The following PDE4D variants were observed in gnomAD, a reference collection of about 807,000 sequenced individuals.
PDE4D encodes the protein 3',5'-cyclic-AMP phosphodiesterase 4D.
In PDE4D, 24 loss-of-function variants were observed where a neutral mutation model predicts 87.4. That is an observed-to-expected ratio of 0.27 (90% CI 0.20 to 0.39). The LOEUF (loss-of-function observed/expected upper bound fraction) is 0.39, where lower values mean the gene tolerates loss of function less well. Ranked by LOEUF, PDE4D falls within the 10% of genes least tolerant of loss-of-function variation. The pLI is 1.00. For synonymous variants in PDE4D, 384 were observed against 383.2 expected (o/e 1.00, Z -0.02); for missense variants, 714 against 1,041.0 (o/e 0.69, Z 4.32).
intron 4 of PDE4D, among the ~76,000 whole-genome samples, chr5:59,184,097 C>T (rs753589680): frequency 5.3e-5 from 8 of 152,066 alleles, no homozygotes; most frequent in Non-Finnish European, 1.2e-4. Flanking sequence ...TTTATTTAAG[C>T]TGCAACCAAA....
intron 2 of PDE4D, among the ~76,000 whole-genome samples, chr5:60,162,179 CATT>C (rs1782521716): frequency 6.6e-6 from 1 of 152,078 alleles, no homozygotes; most frequent in South Asian, 2.1e-4. Flanking sequence ...AAATTAAGTA[CATT>C]ATTGTAAAAG....
chr5:59,824,911 C>T (rs935885762), intron 1 of PDE4D, among the ~76,000 whole-genome samples: 2 of 152,144 alleles, frequency 1.3e-5, no homozygotes, highest in African/African-American at 4.8e-5. Context: ...CAGCATTATA[C>T]CTGTTTTCTT....
At chr5:60,147,633 C>A in intron 2 of PDE4D, 2 of 304,178 alleles carry the variant, frequency 6.6e-6, no homozygotes, top group South Asian at 2.6e-5. Context: ...TTCTAAGGAT[C>A]AAGAATTCAG....
intron 1 of PDE4D, among the ~76,000 whole-genome samples, chr5:59,863,733 T>C (rs1746614628): frequency 6.6e-6 from 1 of 152,220 alleles, no homozygotes; most frequent in African/African-American, 2.4e-5. Flanking sequence ...AAACATGAGA[T>C]GTCTTTTAGT....
chr5:59,581,221 A>AT (rs1475203841), intron 1 of PDE4D, among the ~76,000 whole-genome samples: 4 of 152,234 alleles, frequency 2.6e-5, no homozygotes, highest in East Asian at 1.9e-4. Flanking sequence ...AGGATGAGGG[A>AT]TTTTTTTAAA....
At chr5:59,945,788 T>C (rs1307550397) in intron 3 of PDE4D, among the ~76,000 whole-genome samples, 1 of 152,144 alleles carries the variant, frequency 6.6e-6, no homozygotes, top group Non-Finnish European at 1.5e-5. Flanking sequence ...GATAAATAAT[T>C]TTGAGTCTCT....
chr5:60,107,583 G>C (rs1777141314), intron 2 of PDE4D, among the ~76,000 whole-genome samples: 1 of 152,158 alleles, frequency 6.6e-6, no homozygotes, highest in Admixed American at 6.5e-5. Context: ...CAATATCCTT[G>C]ATGAACATTG....
At chr5:59,805,551 T>C (rs1020957662) in intron 1 of PDE4D, among the ~76,000 whole-genome samples, 9 of 152,214 alleles carry the variant, frequency 5.9e-5, no homozygotes, top group African/African-American at 2.2e-4. Flanking sequence ...AAGAATAGGA[T>C]GAATGCTATG....
intron 1 of PDE4D, among the ~76,000 whole-genome samples, chr5:59,435,778 C>T (rs1201514366): frequency 6.6e-6 from 1 of 152,128 alleles, no homozygotes; most frequent in African/African-American, 2.4e-5. Context: ...TCCTGAACTC[C>T]CTTCTCAGTT....
chr5:59,780,061 A>G (rs1267754399), intron 1 of PDE4D, among the ~76,000 whole-genome samples: 1 of 152,156 alleles, frequency 6.6e-6, no homozygotes, highest in Non-Finnish European at 1.5e-5. Context: ...TAGGCAGAAG[A>G]AATTAAGAAG....
chr5:59,939,645 C>T lies in PDE4D; in HGVS notation c.272+48843G>A, dbSNP rs141383916. ...AAACGAAGGGCAAATTAGGTAAAGT[C>T]TGGCAGGGGTGAGGAGAAGAGTATT... On this transcript the variant is annotated intron_variant, in intron 3 of 16. Transcript: ENST00000502484. Among the ~76,000 whole-genome samples the T allele has an allele frequency of 3.8e-3, 573 of 152,142 alleles. 4 individuals are homozygous for T. Among genetic ancestry groups the T allele is most frequent in the Admixed American group, 8.3e-3 (127 of 15,266 alleles).
intron 1 of PDE4D, among the ~76,000 whole-genome samples, chr5:59,783,276 C>A (rs1764806666): frequency 6.6e-6 from 1 of 152,226 alleles, no homozygotes; most frequent in Non-Finnish European, 1.5e-5. Context: ...AAATAAGAAT[C>A]TCTCAGGGTG....
chr5:59,099,698 G>A (rs1370192735), intron 5 of PDE4D, among the ~76,000 whole-genome samples: 1 of 152,126 alleles, frequency 6.6e-6, no homozygotes, highest in East Asian at 1.9e-4. Flanking sequence ...CATGATTATG[G>A]TATCTCCTGA....
At chr5:59,803,990 A>G (rs1767450760) in intron 1 of PDE4D, among the ~76,000 whole-genome samples, 1 of 152,224 alleles carries the variant, frequency 6.6e-6, no homozygotes, top group Admixed American at 6.5e-5. Flanking sequence ...TTCTGGAATG[A>G]CCATGTCCCA....
chr5:59,644,816 T>C (rs1359983695), intron 1 of PDE4D, among the ~76,000 whole-genome samples: 2 of 152,224 alleles, frequency 1.3e-5, no homozygotes, highest in Non-Finnish European at 2.9e-5. Context: ...TTCTGTTCAG[T>C]GAATTGGGCT....
At chr5:59,255,032 C>G (rs1034858511) in intron 1 of PDE4D, among the ~76,000 whole-genome samples, 1 of 152,070 alleles carries the variant, frequency 6.6e-6, no homozygotes, top group African/African-American at 2.4e-5. Flanking sequence ...TTAGAGCTAC[C>G]ATTTGTCCCA....
At chr5:59,259,773 A>G (rs1761648571) in intron 1 of PDE4D, among the ~76,000 whole-genome samples, 1 of 151,884 alleles carries the variant, frequency 6.6e-6, no homozygotes, top group Non-Finnish European at 1.5e-5. Context: ...ACGGTTACAC[A>G]GAGTCCCTCC....
intron 1 of PDE4D, among the ~76,000 whole-genome samples, chr5:59,597,563 T>C (rs2153705304): frequency 6.6e-6 from 1 of 152,142 alleles, no homozygotes; most frequent in Middle Eastern, 3.4e-3. Context: ...AAAAAAGAAA[T>C]ACTGTGATAT....
At chr5:60,226,495 C>T (rs1745121890) in intron 1 of PDE4D, among the ~76,000 whole-genome samples, 1 of 152,104 alleles carries the variant, frequency 6.6e-6, no homozygotes, top group Non-Finnish European at 1.5e-5. Flanking sequence ...TGTGCCTTGA[C>T]TCCAGATAGT....
Sources: gnomAD v4.1 joint callset for allele counts (sites outside exome capture counted in the v4.1 genomes callset) on GRCh38, gnomAD v4.1.1 for gene constraint, MANE v1.5 for transcripts, NCBI Gene and HGNC (gene_info 2026-07-23, HGNC 2026-07-21) for gene names.